The following CHST11 variants were observed in gnomAD, a reference collection of about 807,000 sequenced individuals.
CHST11 encodes carbohydrate sulfotransferase 11.
A neutral mutation model predicts 30.4 loss-of-function variants in CHST11; 9 were observed. The ratio of observed to expected loss-of-function variants is 0.30; its 90% confidence interval spans 0.18 to 0.52. The LOEUF is 0.52. CHST11 is among the 20% of genes least tolerant of loss of function. The pLI is 0.97. For missense variants in CHST11, 348 were observed against 460.6 expected (o/e 0.76, Z 2.24); for synonymous variants, 152 against 187.8 (o/e 0.81, Z 1.56).
chr12:104,605,465 G>C (rs570086505), intron 2 of CHST11, among the ~76,000 whole-genome samples: 27 of 152,306 alleles, frequency 1.8e-4, no homozygotes, highest in African/African-American at 6.0e-4. Flanking sequence ...TACAGTCCCA[G>C]CTTCTCCGGA....
intron 2 of CHST11, among the ~76,000 whole-genome samples, chr12:104,606,448 T>C (rs1454771508): frequency 1.3e-5 from 2 of 152,190 alleles, no homozygotes; most frequent in East Asian, 3.9e-4. Context: ...CTACATATTT[T>C]TCACACGTCT....
intron 1 of CHST11, among the ~76,000 whole-genome samples, chr12:104,528,491 T>G (rs1012402982): frequency 6.6e-6 from 1 of 152,222 alleles, no homozygotes; most frequent in African/African-American, 2.4e-5. Flanking sequence ...AAGAAATTGT[T>G]CAGTGACAAC....
intron 2 of CHST11, among the ~76,000 whole-genome samples, chr12:104,636,719 T>C (rs1488335295): frequency 6.6e-6 from 1 of 152,130 alleles, no homozygotes; most frequent in Non-Finnish European, 1.5e-5. Flanking sequence ...AATGGGATAA[T>C]AGTATCTAGC....
intron 1 of CHST11, among the ~76,000 whole-genome samples, chr12:104,507,738 C>T (rs2037920430): frequency 1.3e-5 from 2 of 152,206 alleles, no homozygotes; most frequent in Non-Finnish European, 1.5e-5. Flanking sequence ...CTCTCATCCT[C>T]CTCTAGTGGT....
At chr12:104,516,121 A>G (rs2038020433) in intron 1 of CHST11, among the ~76,000 whole-genome samples, 2 of 152,276 alleles carry the variant, frequency 1.3e-5, no homozygotes, top group South Asian at 4.2e-4. Context: ...GCTGAACAAA[A>G]TCTTTGTTGC....
rs79536114 is a variant in CHST11 at position 104,585,517 on chromosome 12, G to A, written c.119-16389G>A. 1.3e-3 allele frequency among the ~76,000 whole-genome samples: 195 copies of A among 152,306 alleles called. 2 individuals are homozygous for A. Among genetic ancestry groups the A allele is most frequent in the African/African-American group, 4.4e-3 (182 of 41,574 alleles). ...ACTTACCTTGGGCCAGGCCCTGCTC[G>A]AAACACGTGACATGGATGAACTTAT... On this transcript the variant is annotated intron_variant, in intron 1 of 2. Coordinates refer to ENST00000303694, the MANE Select transcript of CHST11 (RefSeq NM_018413.6).
At chr12:104,549,530 T>C (rs2038385476) in intron 1 of CHST11, among the ~76,000 whole-genome samples, 1 of 152,116 alleles carries the variant, frequency 6.6e-6, no homozygotes, top group Non-Finnish European at 1.5e-5. Flanking sequence ...TTACAAGTGA[T>C]TTATGGGTTC....
intron 1 of CHST11, among the ~76,000 whole-genome samples, chr12:104,507,340 G>C (rs919454450): frequency 1.3e-5 from 2 of 152,194 alleles, no homozygotes; most frequent in African/African-American, 4.8e-5. Context: ...AGCATGCTTT[G>C]CCTCCTGCTG....
intron 2 of CHST11, among the ~76,000 whole-genome samples, chr12:104,712,378 C>T (rs763204815): frequency 2.6e-5 from 4 of 152,110 alleles, no homozygotes; most frequent in Non-Finnish European, 4.4e-5. Flanking sequence ...ATTTTGATCT[C>T]GTATTTACTG....
intron 1 of CHST11, among the ~76,000 whole-genome samples, chr12:104,546,186 T>C (rs1375033524): frequency 6.6e-6 from 1 of 152,016 alleles, no homozygotes; most frequent in African/African-American, 2.4e-5. Context: ...TTAACTTTCC[T>C]GGGTTGGGTA....
chr12:104,544,276 T>A (rs1324499287), intron 1 of CHST11, among the ~76,000 whole-genome samples: 1 of 152,194 alleles, frequency 6.6e-6, no homozygotes, highest in Non-Finnish European at 1.5e-5. Flanking sequence ...CTGTCTAGGC[T>A]AATTTCTTAG....
intron 1 of CHST11, among the ~76,000 whole-genome samples, chr12:104,519,530 T>G (rs2038056580): frequency 6.6e-6 from 1 of 152,180 alleles, no homozygotes; most frequent in Admixed American, 6.5e-5. Context: ...TAGAACCCCC[T>G]AACCTGTAGA....
intron 2 of CHST11, among the ~76,000 whole-genome samples, chr12:104,681,818 T>G (rs2039798019): frequency 6.8e-6 from 1 of 147,192 alleles, no homozygotes; most frequent in South Asian, 2.1e-4. Context: ...TCTTTTTGTC[T>G]GTTTTGCTTT....
intron 2 of CHST11, among the ~76,000 whole-genome samples, chr12:104,701,454 C>T (rs11112173): frequency 0.38 from 57,869 of 151,984 alleles, 12,180 homozygotes; most frequent in South Asian, 0.55. Context: ...GAAGTGAACC[C>T]GGCGGGCACA....
intron 2 of CHST11, among the ~76,000 whole-genome samples, chr12:104,693,079 A>G (rs1301831834): frequency 6.6e-6 from 1 of 151,832 alleles, no homozygotes; most frequent in African/African-American, 2.4e-5. Context: ...CTGCATCCTC[A>G]CTTGGTTTTT....
intron 2 of CHST11, among the ~76,000 whole-genome samples, chr12:104,732,332 AT>A (rs1231927541): frequency 7.2e-5 from 11 of 152,118 alleles, no homozygotes; most frequent in African/African-American, 2.7e-4. Flanking sequence ...AGTGATCCCT[AT>A]TTCCCTAAGG....
intron 1 of CHST11, among the ~76,000 whole-genome samples, chr12:104,495,156 T>G (rs2037787979): frequency 6.6e-6 from 1 of 152,216 alleles, no homozygotes; most frequent in Non-Finnish European, 1.5e-5. Context: ...ACAGGATTCC[T>G]TCCTTTTTAA....
chr12:104,552,944 TC>T (rs1410872914), intron 1 of CHST11: 1 of 152,176 alleles, frequency 6.6e-6, no homozygotes, highest in Non-Finnish European at 1.5e-5. Flanking sequence ...TCTCCAAGGG[TC>T]CCACTGACTA....
intron 1 of CHST11, among the ~76,000 whole-genome samples, chr12:104,549,697 GGA>G (rs2038387133): frequency 6.6e-6 from 1 of 152,158 alleles, no homozygotes. Flanking sequence ...CTTGAGCCCA[GGA>G]GTTTGAGACT....
Sources: allele counts gnomAD v4.1 joint callset (sites outside exome capture counted in the v4.1 genomes callset), GRCh38; gene constraint gnomAD v4.1.1; transcripts MANE v1.5; gene names NCBI Gene and HGNC (gene_info 2026-07-23, HGNC 2026-07-21).